Variants in ZFHX3 observed in about 807,000 individuals in gnomAD.
ZFHX3 encodes zinc finger homeobox protein 3.
In ZFHX3, 42 loss-of-function variants were observed where a neutral mutation model predicts 279.1. The ratio of observed to expected loss-of-function variants is 0.15; its 90% CI spans 0.12 to 0.19. The LOEUF (loss-of-function observed/expected upper bound fraction) is 0.19. ZFHX3 is among the 10% of genes least tolerant of loss of function. ZFHX3 has a pLI of 1.00. For missense variants in ZFHX3, 4,981 were observed against 4,754.0 expected (o/e 1.05, Z -1.40); for synonymous variants, 2,293 against 1,957.8 (o/e 1.17, Z -4.52).
chr16:73,340,461 A>G (rs75312957), intron 3 of ZFHX3, among the ~76,000 whole-genome samples: 2,394 of 152,312 alleles, frequency 0.016, 92 homozygotes, highest in East Asian at 0.11. Flanking sequence ...GGCTCAAGCA[A>G]TCCTCCCACC....
At chr16:73,487,397 G>C (rs776384883) in intron 2 of ZFHX3, 8 of 424,698 alleles carry the variant, frequency 1.9e-5, no homozygotes, top group Admixed American at 7.9e-5. Flanking sequence ...ACACCTCTCT[G>C]TATCTATGTG....
chr16:73,694,856 G>A (rs956437983), intron 1 of ZFHX3, among the ~76,000 whole-genome samples: 1 of 152,148 alleles, frequency 6.6e-6, no homozygotes, highest in African/African-American at 2.4e-5. Flanking sequence ...AAGTCAACCT[G>A]ACAGTGACAA....
intron 1 of ZFHX3, among the ~76,000 whole-genome samples, chr16:73,864,187 A>C (rs373797857): frequency 5.3e-5 from 8 of 152,324 alleles, no homozygotes; most frequent in African/African-American, 1.9e-4. Context: ...AACTTATCTC[A>C]GCAAACACAG....
chr16:73,842,248 G>C (rs1335907945), intron 1 of ZFHX3, among the ~76,000 whole-genome samples: 3 of 151,904 alleles, frequency 2.0e-5, no homozygotes, highest in Non-Finnish European at 4.4e-5. Flanking sequence ...AAGAAAAAGA[G>C]AAACAATGAT....
At chr16:73,505,921 T>C (rs1188049762) in intron 2 of ZFHX3, among the ~76,000 whole-genome samples, 1 of 152,222 alleles carries the variant, frequency 6.6e-6, no homozygotes, top group Non-Finnish European at 1.5e-5. Flanking sequence ...TTGGACATTC[T>C]CTTTCCGTCC....
chr16:73,236,698 T>C (rs1369373044), intron 5 of ZFHX3, among the ~76,000 whole-genome samples: 12 of 151,748 alleles, frequency 7.9e-5, no homozygotes. Context: ...TCACATAGTT[T>C]TGATGCAGAT....
chr16:73,094,056 T>C lies in ZFHX3; in HGVS notation c.-896-458A>G, dbSNP rs1400004711. 2.0e-5 allele frequency among the ~76,000 whole-genome samples: 3 copies of C among 151,952 alleles called. No individual in the cohort carries two copies. The East Asian group carries it at 5.8e-4, about 29-fold the overall frequency. On this transcript the variant is annotated intron_variant, in intron 7 of 17. Transcript: ENST00000641206. Reference sequence around the variant, plus strand: ...GGTGAGGGAAAGTTGTGGGGTTGAGTGTGGACCCCCCCAACCCCCTACAAA... The same window carrying C: ...GGTGAGGGAAAGTTGTGGGGTTGAGCGTGGACCCCCCCAACCCCCTACAAA...
chr16:73,800,078 A>G (rs1350206489), intron 1 of ZFHX3, among the ~76,000 whole-genome samples: 2 of 152,192 alleles, frequency 1.3e-5, no homozygotes, highest in African/African-American at 4.8e-5. Flanking sequence ...ATTATTTAAT[A>G]ATTGTTTAAT....
At chr16:73,342,019 T>C (rs1327507726) in intron 3 of ZFHX3, among the ~76,000 whole-genome samples, 3 of 152,236 alleles carry the variant, frequency 2.0e-5, no homozygotes, top group Non-Finnish European at 4.4e-5. Context: ...TATGTGAATA[T>C]ACTATAATTC....
At chr16:73,569,878 TA>T (rs1265680776) in intron 2 of ZFHX3, among the ~76,000 whole-genome samples, 1 of 152,048 alleles carries the variant, frequency 6.6e-6, no homozygotes, top group Non-Finnish European at 1.5e-5. Context: ...ATTTGGAAAG[TA>T]AAAGAACAAA....
At chr16:73,302,533 A>C (rs904059833) in intron 4 of ZFHX3, among the ~76,000 whole-genome samples, 1 of 152,238 alleles carries the variant, frequency 6.6e-6, no homozygotes, top group African/African-American at 2.4e-5. Context: ...AAGCACAGAC[A>C]GTTGAATAAG....
chr16:72,895,985 T>A (rs754397815), intron 3 of ZFHX3, among the ~76,000 whole-genome samples: 1 of 152,170 alleles, frequency 6.6e-6, no homozygotes, highest in Non-Finnish European at 1.5e-5. Flanking sequence ...GAAAGAAACA[T>A]CTATGCTTGG....
At chr16:73,549,117 A>C (rs941630551) in intron 2 of ZFHX3, among the ~76,000 whole-genome samples, 2 of 152,172 alleles carry the variant, frequency 1.3e-5, no homozygotes, top group African/African-American at 4.8e-5. Context: ...AAATATTCAG[A>C]TACACAGTTT....
At chr16:73,591,385 C>A (rs9972642) in intron 2 of ZFHX3, among the ~76,000 whole-genome samples, 118,141 of 147,230 alleles carry the variant, frequency 0.8, 47,573 homozygotes, top group East Asian at 0.9. Context: ...AACAAACAAA[C>A]AAAAATCCAG....
chr16:73,730,302 T>C (rs1235599129), intron 1 of ZFHX3, among the ~76,000 whole-genome samples: 1 of 142,454 alleles, frequency 7.0e-6, no homozygotes, highest in Non-Finnish European at 1.5e-5. Context: ...TCAAATTCTG[T>C]TACAACAAAA....
chr16:73,884,403 A>G (rs988272948), intron 1 of ZFHX3, among the ~76,000 whole-genome samples: 1 of 152,236 alleles, frequency 6.6e-6, no homozygotes, highest in Non-Finnish European at 1.5e-5. Context: ...CTTTCAGGAT[A>G]TCTTTAAGAC....
chr16:72,986,424 TGGCC>T (rs1962845800), intron 1 of ZFHX3, among the ~76,000 whole-genome samples: 1 of 152,220 alleles, frequency 6.6e-6, no homozygotes, highest in South Asian at 2.1e-4. Flanking sequence ...GAGAACTTGG[TGGCC>T]ATGAAGCTAA....
At chr16:73,399,122 G>A (rs1045330372) in intron 3 of ZFHX3, among the ~76,000 whole-genome samples, 13 of 151,270 alleles carry the variant, frequency 8.6e-5, no homozygotes, top group African/African-American at 2.9e-4. Flanking sequence ...AGGTGATCCA[G>A]TTGTCTTGGC....
chr16:72,880,061 C>T (rs2038422747), intron 4 of ZFHX3, among the ~76,000 whole-genome samples: 1 of 152,170 alleles, frequency 6.6e-6, no homozygotes, highest in Non-Finnish European at 1.5e-5. Flanking sequence ...TAGTTAATCC[C>T]ATGCCAAGGC....
Sources: allele counts gnomAD v4.1 joint callset (sites outside exome capture counted in the v4.1 genomes callset), GRCh38; gene constraint gnomAD v4.1.1; transcripts MANE v1.5; gene names NCBI Gene and HGNC (gene_info 2026-07-23, HGNC 2026-07-21).